Variants in PCDH15 observed in about 807,000 individuals in gnomAD.
PCDH15 encodes protocadherin-15.
In PCDH15, 129 loss-of-function variants were observed where a neutral mutation model predicts 178.5. The ratio of observed to expected loss-of-function variants is 0.72; its 90% CI spans 0.63 to 0.84. PCDH15 has a LOEUF of 0.84. Among genes scored for constraint, PCDH15 ranks in the 40% least tolerant of loss-of-function variants. The pLI, the probability that PCDH15 is intolerant of heterozygous loss-of-function variation, is 0.00. For synonymous variants in PCDH15, 800 were observed against 732.0 expected (o/e 1.09, Z -1.50); for missense variants, 2,230 against 2,099.9 (o/e 1.06, Z -1.21).
intron 26 of PCDH15, among the ~76,000 whole-genome samples, chr10:53,888,072 A>G (rs1289881535): frequency 6.6e-6 from 1 of 151,718 alleles, no homozygotes; most frequent in Non-Finnish European, 1.5e-5. Context: ...GTAAGAAAGA[A>G]GAGAATATAT....
chr10:55,464,634 A>G (rs1481549063), intron 2 of PCDH15, among the ~76,000 whole-genome samples: 1 of 44,022 alleles, frequency 2.3e-5, no homozygotes, highest in Non-Finnish European at 3.3e-5. Context: ...AAATATATAT[A>G]TATATATATA....
intron 21 of PCDH15, among the ~76,000 whole-genome samples, chr10:53,965,994 C>T (rs1305175945): frequency 6.1e-5 from 1 of 16,290 alleles, no homozygotes; most frequent in Non-Finnish European, 1.4e-4. Context: ...TTAGAACTTC[C>T]TGGATGATTT....
intron 2 of PCDH15, among the ~76,000 whole-genome samples, chr10:55,024,454 T>TAC (rs3073624): frequency 5.4e-4 from 79 of 145,902 alleles, no homozygotes; most frequent in Non-Finnish European, 1.0e-3. Context: ...TATATATATA[T>TAC]ACACACACAT....
At chr10:54,014,065 G>A (rs1263673120) in intron 20 of PCDH15, among the ~76,000 whole-genome samples, 1 of 151,726 alleles carries the variant, frequency 6.6e-6, no homozygotes, top group Non-Finnish European at 1.5e-5. Context: ...AATCAGAAAT[G>A]ACTGACTGAA....
chr10:55,617,861 A>G (rs530187007), intron 2 of PCDH15, among the ~76,000 whole-genome samples: 3 of 152,122 alleles, frequency 2.0e-5, no homozygotes, highest in African/African-American at 7.2e-5. Context: ...TTTGTTTTCC[A>G]TCTAAACTTT....
chr10:55,344,013 T>C (rs1844674260), intron 2 of PCDH15, among the ~76,000 whole-genome samples: 1 of 151,876 alleles, frequency 6.6e-6, no homozygotes, highest in African/African-American at 2.4e-5. Flanking sequence ...TTAGGTAGGG[T>C]GAATGAGGAG....
At chr10:54,182,850 C>T (rs558027072) in intron 13 of PCDH15, among the ~76,000 whole-genome samples, 102 of 146,982 alleles carry the variant, frequency 6.9e-4, no homozygotes, top group African/African-American at 2.4e-3. Flanking sequence ...AATAGCTATG[C>T]TTTTTTTTTT....
At chr10:54,525,708 C>T (rs182686780) in intron 3 of PCDH15, among the ~76,000 whole-genome samples, 1 of 152,306 alleles carries the variant, frequency 6.6e-6, no homozygotes, top group African/African-American at 2.4e-5. Context: ...ATCCAGCTGC[C>T]TCAGCCTCCC....
At chr10:54,188,039 A>G (rs1231460920) in intron 11 of PCDH15, among the ~76,000 whole-genome samples, 4 of 151,998 alleles carry the variant, frequency 2.6e-5, no homozygotes, top group African/African-American at 9.6e-5. Flanking sequence ...GATACATATC[A>G]GTACCAACTA....
At chr10:55,378,118 T>G (rs1837443878) in intron 2 of PCDH15, among the ~76,000 whole-genome samples, 1 of 152,082 alleles carries the variant, frequency 6.6e-6, no homozygotes, top group Admixed American at 6.6e-5. Context: ...GATGACGGGT[T>G]GATGGGTGCA....
At chr10:55,566,854 G>A (rs911154674) in intron 2 of PCDH15, among the ~76,000 whole-genome samples, 1 of 151,796 alleles carries the variant, frequency 6.6e-6, no homozygotes, top group Non-Finnish European at 1.5e-5. Context: ...CAACACCACA[G>A]ATTCAATGCA....
rs964645872 is a variant in PCDH15, at chr10:55,585,741, G to GTA, written c.-156+41882_-156+41883dup. 2.4e-4 allele frequency among the ~76,000 whole-genome samples: 37 copies of GTA among 151,788 alleles called. No individual in the cohort carries two copies. In the East Asian group the frequency reaches 3.3e-3, roughly 13 times the overall value. On this transcript the variant is annotated intron_variant, in intron 2 of 5. Transcript: ENST00000613346. The stretch of plus-strand genomic sequence containing the variant: ...CAAGTATGTATGTGTATATGTGTGT[G>GTA]TATATATATATGTGTGTGTGTATAT...
At chr10:54,834,532 C>T (rs1490179211) in intron 3 of PCDH15, among the ~76,000 whole-genome samples, 1 of 149,748 alleles carries the variant, frequency 6.7e-6, no homozygotes, top group Non-Finnish European at 1.5e-5. Flanking sequence ...CACATTCTTA[C>T]AATATGTATG....
intron 2 of PCDH15, among the ~76,000 whole-genome samples, chr10:54,536,727 A>T (rs1240116300): frequency 2.1e-5 from 3 of 145,288 alleles, no homozygotes; most frequent in Non-Finnish European, 4.5e-5. Flanking sequence ...GCTGCTACAT[A>T]TAAGTGAGAA....
rs564210931 is a variant in PCDH15 at position 54,225,708 on chromosome 10, T to A, written c.985+11115A>T. On this transcript the variant is annotated intron_variant, in intron 9 of 37. Coordinates refer to ENST00000644397, the MANE Select transcript of PCDH15 (RefSeq NM_001384140.1). ...AAAGGTATAAATTTATTTTTCTTTA[T>A]GATTGATTCAATTTACATATAGTGA... is the stretch of plus-strand genomic sequence containing the variant. Among the ~76,000 whole-genome samples the A allele has an allele frequency of 3.9e-5, 6 of 152,322 alleles. No individual in the cohort carries two copies. In the South Asian group the frequency reaches 1.2e-3, roughly 32 times the overall value.
At chr10:54,798,185 C>CT (rs529782633) in intron 1 of PCDH15, among the ~76,000 whole-genome samples, 76 of 147,146 alleles carry the variant, frequency 5.2e-4, no homozygotes, top group African/African-American at 4.7e-4. Context: ...CTCACATTAG[C>CT]TTTTTTTTTT....
intron 2 of PCDH15, among the ~76,000 whole-genome samples, chr10:55,441,787 T>G (rs1372643161): frequency 6.6e-6 from 1 of 152,148 alleles, no homozygotes; most frequent in African/African-American, 2.4e-5. Context: ...AAAAGGACCT[T>G]TGCAGATGTA....
rs973797608 is a variant in PCDH15, at chr10:54,026,072, ATTTT to A, written c.2221-2879_2221-2876del. Among the ~76,000 whole-genome samples the A allele has an allele frequency of 1.3e-3, 186 of 142,834 alleles. 1 individual carries two copies. The highest frequency in any genetic ancestry group is 4.6e-3 in the African/African-American group (179 of 38,614). 93.7% of individuals were successfully genotyped at this position (142,834 alleles called of 152,430 possible). ...ATAGCAATCTATATTTTAGGATGGGATTTTTTTTTTTTTTTGAAACAGGTCTTGC... is the reference window on the plus strand; with the variant it reads ...ATAGCAATCTATATTTTAGGATGGGATTTTTTTTTTTGAAACAGGTCTTGC... On this transcript the variant is annotated intron_variant, in intron 18 of 37. Transcript: ENST00000644397.
At chr10:54,700,030 G>A (rs2132221309) in intron 1 of PCDH15, among the ~76,000 whole-genome samples, 1 of 152,114 alleles carries the variant, frequency 6.6e-6, no homozygotes, top group Middle Eastern at 3.4e-3. Flanking sequence ...CCAGCATGAA[G>A]GGGCTAAACT....
Sources: gnomAD v4.1 joint callset for allele counts (sites outside exome capture counted in the v4.1 genomes callset) on GRCh38, gnomAD v4.1.1 for gene constraint, MANE v1.5 for transcripts, NCBI Gene and HGNC (gene_info 2026-07-23, HGNC 2026-07-21) for gene names.